Variants in TYW3 observed in about 807,000 individuals in gnomAD.
The protein encoded by TYW3 is tRNA-yW synthesizing protein 3 homolog.
Under a neutral mutation model 23.1 loss-of-function variants are expected in TYW3, and 26 were observed. That is an observed-to-expected ratio of 1.13 (90% confidence interval 0.83 to 1.56). The LOEUF is 1.56. Ranked by LOEUF, TYW3 falls within the 40% of genes most tolerant of loss-of-function variation. TYW3 has a pLI of 0.00. For synonymous variants in TYW3, 102 were observed against 105.7 expected, an observed-to-expected ratio of 0.97 and a Z score of 0.21; for missense variants, 316 against 311.9, an observed-to-expected ratio of 1.01 and a Z score of -0.10.
intron 3 of TYW3, 95 bp downstream of exon 3, chr1:74,738,883 C>T (rs1042222735): frequency 2.7e-6 from 2 of 736,580 alleles, no homozygotes; most frequent in African/African-American, 3.5e-5. Context: ...TGAGATATTA[C>T]CTTATTCAAC....
At chr1:74,756,637 G>A (rs2100774448) in intron 5 of TYW3, among the ~76,000 whole-genome samples, 1 of 152,298 alleles carries the variant, frequency 6.6e-6, no homozygotes, top group East Asian at 1.9e-4. Flanking sequence ...TAAAAGTTTT[G>A]AAAACTTGCA....
At chr1:74,754,867 C>A (rs1648901862) in intron 5 of TYW3, among the ~76,000 whole-genome samples, 1 of 152,062 alleles carries the variant, frequency 6.6e-6, no homozygotes, top group African/African-American at 2.4e-5. Context: ...CTGGAAGAGA[C>A]AGGGACTGAC....
chr1:74,764,005 A>C lies in TYW3; in HGVS notation c.672A>C (p.Pro224=), dbSNP rs779155837. 4 of 1,611,470 alleles carry C rather than the reference A, an allele frequency of 2.5e-6. No homozygotes were observed. In the African/African-American group the frequency reaches 5.4e-5, roughly 22 times the overall value. Residue 224 remains proline, a synonymous_variant, in exon 6 of 6, where the codon CCA becomes CCC. Transcript: ENST00000370867. ...ATATTCATAAGAAAAAAAGAAACCC[A>C]GAAAAAACACGTGCCCAGTGTATTA... ...SSYIHKKKRN[P]EKTRAQCITK...
chr1:74,733,905 C>T (rs1648023127), intron 1 of TYW3, among the ~76,000 whole-genome samples: 1 of 152,134 alleles, frequency 6.6e-6, no homozygotes, highest in African/African-American at 2.4e-5. Flanking sequence ...TAGTGAGCCC[C>T]TCCATTATTA....
intron 3 of TYW3, among the ~76,000 whole-genome samples, chr1:74,739,463 G>T (rs1269333272): frequency 6.6e-6 from 1 of 152,206 alleles, no homozygotes; most frequent in Non-Finnish European, 1.5e-5. Flanking sequence ...CTTGAAGATA[G>T]GCTTCTCTGA....
At chr1:74,746,428 T>C (rs907932613) in intron 3 of TYW3, among the ~76,000 whole-genome samples, 1 of 152,218 alleles carries the variant, frequency 6.6e-6, no homozygotes, top group African/African-American at 2.4e-5. Context: ...AGACTTTAAC[T>C]CTCCTGTTTC....
Position 74,764,798 on chromosome 1 carries a change from A to G in TYW3, c.*685A>G, listed in dbSNP as rs773495588. Reference sequence around the variant, plus strand: ...CTAAAAGGACAAGATACAAGTTCACATGATGGGAAAAATCAGAAAACCTCT... The same window carrying G: ...CTAAAAGGACAAGATACAAGTTCACGTGATGGGAAAAATCAGAAAACCTCT... On this transcript the variant is annotated 3_prime_UTR_variant, in exon 6 of 6. Transcript: ENST00000370867. 2.0e-5 allele frequency: 3 copies of G among 152,202 alleles called. No individual in the cohort carries two copies. The highest frequency in any genetic ancestry group is 4.4e-5 in the Non-Finnish European group (3 of 68,040). The allele number at this position is 152,202 out of a possible 1,614,324, so 9.4% of individuals were successfully genotyped here.
chr1:74,737,799 C>T (rs193057311), intron 2 of TYW3, among the ~76,000 whole-genome samples: 151 of 152,290 alleles, frequency 9.9e-4, no homozygotes, highest in African/African-American at 1.8e-3. Context: ...ACAAAAAACA[C>T]GCATACTAGG....
intron 3 of TYW3, among the ~76,000 whole-genome samples, chr1:74,746,367 C>G (rs1478722640): frequency 2.0e-5 from 3 of 152,172 alleles, no homozygotes; most frequent in African/African-American, 7.2e-5. Context: ...GAACTTTTAT[C>G]TAACCTTATT....
In TYW3 at chr1:74,765,362, C is replaced by G. The variant is rs1461330303; in HGVS notation, c.*1249C>G. On this transcript the variant is annotated 3_prime_UTR_variant, in exon 6 of 6. Coordinates refer to ENST00000370867, the MANE Select transcript of TYW3 (RefSeq NM_138467.3). Reference sequence around the variant, plus strand: ...CTTACCATTGGGTCTAAGGCAGTTTCCAGGAAAGCATGGCAACTCGTTCAG... The same window carrying G: ...CTTACCATTGGGTCTAAGGCAGTTTGCAGGAAAGCATGGCAACTCGTTCAG... 2 of 152,132 alleles carry G rather than the reference C, an allele frequency of 1.3e-5. No individual in the cohort carries two copies. Among genetic ancestry groups the G allele is most frequent in the African/African-American group, 2.4e-5 (1 of 41,436 alleles). 9.4% of individuals were successfully genotyped at this position (152,132 alleles called of 1,614,324 possible). A position where few individuals can be genotyped will look rare whatever the true frequency, so the allele number is the denominator to read the frequency against.
chr1:74,741,079 G>C (rs1269848458), intron 3 of TYW3, among the ~76,000 whole-genome samples: 2 of 152,178 alleles, frequency 1.3e-5, no homozygotes, highest in African/African-American at 4.8e-5. Flanking sequence ...GTCCGTCCAG[G>C]GGTCCTCGGT....
At chr1:74,763,499 G>GAA (rs1421780883) in intron 5 of TYW3, among the ~76,000 whole-genome samples, 1 of 152,066 alleles carries the variant, frequency 6.6e-6, no homozygotes, top group African/African-American at 2.4e-5. Context: ...TTAATAAACT[G>GAA]AAAAGAAAAA....
chr1:74,766,176 T>G lies in TYW3; in HGVS notation c.*2063T>G, dbSNP rs1028667981. 2.6e-5 allele frequency: 4 copies of G among 152,044 alleles called. No individual in the cohort carries two copies. Among genetic ancestry groups the G allele is most frequent in the African/African-American group, 9.7e-5 (4 of 41,442 alleles). The allele number at this position is 152,044 out of a possible 1,614,324, so 9.4% of individuals were successfully genotyped here. The stretch of plus-strand genomic sequence containing the variant: ...TATAAAAGTATGGTACATATAATTA[T>G]GTACAGTGCATACATAATACTTGAT... On this transcript the variant is annotated 3_prime_UTR_variant, in exon 6 of 6. Transcript: ENST00000370867.
At chr1:74,752,034 A>T (rs1379515871) in intron 4 of TYW3, among the ~76,000 whole-genome samples, 2 of 152,164 alleles carry the variant, frequency 1.3e-5, no homozygotes, top group African/African-American at 2.4e-5. Flanking sequence ...AAGTTATTTG[A>T]TTCTTTGATA....
Position 74,764,207 on chromosome 1 carries a change from C to T in TYW3, c.*94C>T. The T allele has an allele frequency of 1.8e-6, 2 of 1,107,190 alleles. No homozygotes were observed. The allele number at this position is 1,107,190 out of a possible 1,614,324, so 68.6% of individuals were successfully genotyped here. A position where few individuals can be genotyped will look rare whatever the true frequency, so the allele number is the denominator to read the frequency against. ...TATTTTAGTTTGTTGAGTGTATCAG[C>T]CATTCATAAGCCAGTAATGACAAGT... On this transcript the variant is annotated 3_prime_UTR_variant, in exon 6 of 6. Transcript: ENST00000370867.
At chr1:74,742,962 C>T (rs990744385) in intron 3 of TYW3, among the ~76,000 whole-genome samples, 1 of 152,164 alleles carries the variant, frequency 6.6e-6, no homozygotes, top group Non-Finnish European at 1.5e-5. Flanking sequence ...TTTCCTGGCC[C>T]TCAATGGTTA....
chr1:74,733,164 C>T lies in TYW3; in HGVS notation c.-81C>T. 6 of 1,515,928 alleles carry T rather than the reference C, an allele frequency of 4.0e-6. No individual in the cohort carries two copies. The highest frequency in any genetic ancestry group is 4.7e-5 in the East Asian group (2 of 42,108). 93.9% of individuals were successfully genotyped at this position (1,515,928 alleles called of 1,614,324 possible). ...AGGAAGTTTGGACCTTTTCGGCCAC[C>T]GCTCGCTTCAATATGGCTGCCCCCA... On this transcript the variant is annotated 5_prime_UTR_variant, in exon 1 of 6. Coordinates refer to ENST00000370867, the MANE Select transcript of TYW3 (RefSeq NM_138467.3).
At chr1:74,736,456 AGAAAG>A in intron 1 of TYW3, 81 bp from the exon 2 acceptor site, 2 of 901,014 alleles carry the variant, frequency 2.2e-6, no homozygotes, top group South Asian at 5.4e-5. Flanking sequence ...TATTAATTTA[AGAAAG>A]CCTACAATAT....
chr1:74,761,457 T>A (rs1368444925), intron 5 of TYW3, among the ~76,000 whole-genome samples: 1 of 152,088 alleles, frequency 6.6e-6, no homozygotes, highest in Non-Finnish European at 1.5e-5. Context: ...AATTTAATCT[T>A]ATCTTTCATT....
Sources: allele counts gnomAD v4.1 joint callset (sites outside exome capture counted in the v4.1 genomes callset), GRCh38; gene constraint gnomAD v4.1.1; transcripts MANE v1.5; gene names NCBI Gene and HGNC (gene_info 2026-07-23, HGNC 2026-07-21).